RBFOX1: variants seen among roughly 807,000 people sequenced by gnomAD.
RBFOX1 encodes the protein RNA binding fox-1 homolog 1.
In RBFOX1, 8 loss-of-function variants were observed where a neutral mutation model predicts 57.7. The ratio of observed to expected loss-of-function variants is 0.14; its 90% CI spans 0.08 to 0.25. The LOEUF (loss-of-function observed/expected upper bound fraction) is 0.25, where lower values mean the gene tolerates loss of function less well. Ranked by LOEUF, RBFOX1 falls within the 10% of genes least tolerant of loss-of-function variation. The pLI is 1.00. For synonymous variants in RBFOX1, 326 were observed against 222.4 expected, an observed-to-expected ratio of 1.47 and a Z score of -4.15; for missense variants, 611 against 548.5, an observed-to-expected ratio of 1.11 and a Z score of -1.14.
chr16:5,675,592 T>A (rs1055720349), intron 3 of RBFOX1, among the ~76,000 whole-genome samples: 1 of 152,188 alleles, frequency 6.6e-6, no homozygotes, highest in East Asian at 1.9e-4. Flanking sequence ...TGTTTAAACA[T>A]GGCAACGGAG....
intron 3 of RBFOX1, among the ~76,000 whole-genome samples, chr16:6,946,814 C>G (rs538675215): frequency 4.3e-4 from 65 of 152,232 alleles, no homozygotes; most frequent in African/African-American, 1.4e-3. Context: ...ACTGTATTGC[C>G]CAAGGCTGGT....
At chr16:7,569,784 C>T (rs2092581974) in intron 5 of RBFOX1, among the ~76,000 whole-genome samples, 2 of 152,106 alleles carry the variant, frequency 1.3e-5, no homozygotes, top group Admixed American at 1.3e-4. Context: ...AGAAGGATAT[C>T]TTGAGCCTAG....
At chr16:6,583,308 G>C (rs1001851910) in intron 2 of RBFOX1, among the ~76,000 whole-genome samples, 1 of 152,140 alleles carries the variant, frequency 6.6e-6, no homozygotes, top group Admixed American at 6.5e-5. Context: ...CTTTCCCTGA[G>C]ACACTTGGTC....
intron 2 of RBFOX1, among the ~76,000 whole-genome samples, chr16:6,585,398 G>C: frequency 6.6e-6 from 1 of 152,004 alleles, no homozygotes; most frequent in East Asian, 1.9e-4. Context: ...CTTTTACTTC[G>C]ACTCTTTTTT....
chr16:7,464,289 G>T (rs1185769476), intron 4 of RBFOX1, among the ~76,000 whole-genome samples: 1 of 152,198 alleles, frequency 6.6e-6, no homozygotes, highest in Non-Finnish European at 1.5e-5. Flanking sequence ...GTAGGAGCCA[G>T]TGACATTAGT....
chr16:6,243,629 T>C (rs1353136960), intron 1 of RBFOX1, among the ~76,000 whole-genome samples: 1 of 152,214 alleles, frequency 6.6e-6, no homozygotes, highest in African/African-American at 2.4e-5. Context: ...CAGATTCCCC[T>C]GTGGCCCGTA....
intron 2 of RBFOX1, among the ~76,000 whole-genome samples, chr16:6,612,014 T>A (rs889973007): frequency 6.6e-6 from 1 of 152,126 alleles, no homozygotes; most frequent in African/African-American, 2.4e-5. Context: ...GATGAAAAAA[T>A]TCCTTTTGGT....
At chr16:6,767,227 C>G (rs1029018955) in intron 3 of RBFOX1, among the ~76,000 whole-genome samples, 1 of 152,028 alleles carries the variant, frequency 6.6e-6, no homozygotes, top group Non-Finnish European at 1.5e-5. Flanking sequence ...AATTCCCAGC[C>G]ACAGGGACTG....
chr16:6,001,377 G>T (rs951365489), intron 4 of RBFOX1, among the ~76,000 whole-genome samples: 1 of 152,190 alleles, frequency 6.6e-6, no homozygotes, highest in Non-Finnish European at 1.5e-5. Flanking sequence ...CACCAATGGT[G>T]TGTGGCTTGT....
intron 4 of RBFOX1, among the ~76,000 whole-genome samples, chr16:7,148,864 C>G (rs527390763): frequency 6.6e-6 from 1 of 152,296 alleles, no homozygotes; most frequent in East Asian, 1.9e-4. Context: ...GTCACCATCA[C>G]CTTTTTCATT....
chr16:5,602,205 T>G (rs146999449), downstream of RBFOX1, among the ~76,000 whole-genome samples: 1,142 of 152,358 alleles, frequency 7.5e-3, 11 homozygotes, highest in African/African-American at 0.026. Context: ...GCAGCATATG[T>G]TGGCCTGACC....
chr16:6,093,505 A>T (rs952584658), intron 1 of RBFOX1, among the ~76,000 whole-genome samples: 3 of 152,182 alleles, frequency 2.0e-5, no homozygotes, highest in Non-Finnish European at 4.4e-5. Context: ...TAGAGGGGCA[A>T]TGGGGGTTAA....
intron 3 of RBFOX1, among the ~76,000 whole-genome samples, chr16:6,758,527 A>G (rs760261426): frequency 2.6e-5 from 4 of 152,076 alleles, no homozygotes; most frequent in Non-Finnish European, 4.4e-5. Context: ...CATTAGAGCA[A>G]TTTAAATATC....
chr16:7,261,311 A>G (rs945202610), intron 4 of RBFOX1, among the ~76,000 whole-genome samples: 4 of 152,200 alleles, frequency 2.6e-5, no homozygotes, highest in Admixed American at 6.5e-5. Flanking sequence ...CAGGTTCTCA[A>G]TAAAAGTTGG....
At chr16:6,043,625 A>C (rs1336815868) in intron 1 of RBFOX1, among the ~76,000 whole-genome samples, 1 of 152,188 alleles carries the variant, frequency 6.6e-6, no homozygotes, top group Non-Finnish European at 1.5e-5. Context: ...TTCATGTTTC[A>C]GGTTTCCCTT....
intron 14 of RBFOX1, among the ~76,000 whole-genome samples, chr16:7,704,320 C>G (rs369783950): frequency 2.0e-5 from 3 of 152,172 alleles, no homozygotes; most frequent in Non-Finnish European, 4.4e-5. Flanking sequence ...TAGTTTTTCC[C>G]TGAAGGCTTT....
chr16:6,972,665 A>T (rs774790978), intron 3 of RBFOX1, among the ~76,000 whole-genome samples: 20 of 152,154 alleles, frequency 1.3e-4, no homozygotes, highest in Non-Finnish European at 2.6e-4. Context: ...CTTTGGGGAC[A>T]GACAACCTGA....
intron 3 of RBFOX1, among the ~76,000 whole-genome samples, chr16:6,837,126 A>T (rs1182227136): frequency 6.6e-6 from 1 of 152,220 alleles, no homozygotes; most frequent in Non-Finnish European, 1.5e-5. Context: ...CTTGTTTGCA[A>T]ACAGTACAGT....
At chr16:6,516,561 C>G (rs984344242) in intron 2 of RBFOX1, among the ~76,000 whole-genome samples, 1 of 152,196 alleles carries the variant, frequency 6.6e-6, no homozygotes, top group East Asian at 1.9e-4. Flanking sequence ...AACCCTAGCA[C>G]TTTGTACATG....
Sources: gnomAD v4.1 joint callset for allele counts (sites outside exome capture counted in the v4.1 genomes callset) on GRCh38, gnomAD v4.1.1 for gene constraint, MANE v1.5 for transcripts, NCBI Gene and HGNC (gene_info 2026-07-23, HGNC 2026-07-21) for gene names.